The following BRINP3 variants were observed in gnomAD, a reference collection of about 807,000 sequenced individuals.
BRINP3 encodes BMP/retinoic acid-inducible neural-specific protein 3.
BRINP3 carries 19 observed loss-of-function variants against 71.0 expected under a neutral mutation model. The observed-to-expected ratio is 0.27, with a 90% CI of 0.19 to 0.39. The LOEUF is 0.39. Among genes scored for constraint, BRINP3 ranks in the 10% least tolerant of loss-of-function variants. BRINP3 has a pLI of 1.00. For missense variants in BRINP3, 959 were observed against 940.8 expected (o/e 1.02, Z -0.25); for synonymous variants, 380 against 337.7 (o/e 1.13, Z -1.37).
chr1:190,162,728 T>C (rs1468901643), intron 6 of BRINP3, among the ~76,000 whole-genome samples: 4 of 152,202 alleles, frequency 2.6e-5, no homozygotes, highest in African/African-American at 4.8e-5. Context: ...ATAAATTTTA[T>C]TGAAGATAAG....
At chr1:190,319,129 A>G (rs1225352132) in intron 2 of BRINP3, among the ~76,000 whole-genome samples, 1 of 152,118 alleles carries the variant, frequency 6.6e-6, no homozygotes, top group Non-Finnish European at 1.5e-5. Context: ...GAACTTTAGG[A>G]TATTCCTTAC....
chr1:190,352,286 C>A (rs1413733406), intron 2 of BRINP3, among the ~76,000 whole-genome samples: 2 of 151,996 alleles, frequency 1.3e-5, no homozygotes, highest in East Asian at 3.9e-4. Flanking sequence ...AATCAGTAAA[C>A]CTTAATCTGT....
In BRINP3 at chr1:190,442,810, G is replaced by A. The variant is rs532770271; in HGVS notation, c.236+11845C>T. On this transcript the variant is annotated intron_variant, in intron 2 of 7. Transcript: ENST00000367462. ...TTTCTTCATGCCTGTGCGTGTGTGT[G>A]TGTGTGTGTGTGTGTGTGTAATTTT... 7.1e-4 allele frequency among the ~76,000 whole-genome samples: 107 copies of A among 150,598 alleles called. 2 individuals are homozygous for A. Among genetic ancestry groups the A allele is most frequent in the African/African-American group, 2.3e-3 (94 of 40,892 alleles).
At chr1:190,398,345 T>A (rs1671713134) in intron 2 of BRINP3, among the ~76,000 whole-genome samples, 1 of 152,018 alleles carries the variant, frequency 6.6e-6, no homozygotes, top group Non-Finnish European at 1.5e-5. Context: ...GCCGACTATA[T>A]ATCTAAATAT....
chr1:190,177,441 G>A (rs890366332), intron 6 of BRINP3, among the ~76,000 whole-genome samples: 2 of 148,646 alleles, frequency 1.3e-5, no homozygotes, highest in African/African-American at 5.0e-5. Context: ...GCCTCCCAAA[G>A]TGCTAGGATT....
chr1:190,453,710 C>A (rs1466245850), intron 2 of BRINP3, among the ~76,000 whole-genome samples: 6 of 152,116 alleles, frequency 3.9e-5, no homozygotes, highest in Non-Finnish European at 7.4e-5. Context: ...ATAAATTTCT[C>A]ATAATGCTGT....
chr1:190,359,232 G>A (rs376028093), intron 2 of BRINP3, among the ~76,000 whole-genome samples: 2 of 152,048 alleles, frequency 1.3e-5, no homozygotes, highest in South Asian at 2.1e-4. Context: ...AATTTAACTT[G>A]GGCCAGGAAG....
chr1:190,440,910 T>C (rs1043774063), intron 2 of BRINP3, among the ~76,000 whole-genome samples: 4 of 152,118 alleles, frequency 2.6e-5, no homozygotes, highest in Admixed American at 1.3e-4. Flanking sequence ...AACTGAAATC[T>C]TTTAGAATAC....
chr1:190,112,477 G>A (rs939715155), intron 7 of BRINP3, among the ~76,000 whole-genome samples: 1 of 152,130 alleles, frequency 6.6e-6, no homozygotes, highest in Non-Finnish European at 1.5e-5. Context: ...CACCACAGGA[G>A]GCAAGTAGTA....
chr1:190,448,928 AT>A (rs1675419928), intron 2 of BRINP3, among the ~76,000 whole-genome samples: 1 of 151,918 alleles, frequency 6.6e-6, no homozygotes, highest in South Asian at 2.1e-4. Context: ...TGGCAATAAT[AT>A]TTTAAACTTA....
intron 6 of BRINP3, among the ~76,000 whole-genome samples, chr1:190,162,256 T>C (rs1275760148): frequency 6.6e-6 from 1 of 151,386 alleles, no homozygotes; most frequent in Non-Finnish European, 1.5e-5. Flanking sequence ...AAAGGTGCCA[T>C]CTCGGTTCAC....
At chr1:190,468,726 TG>T (rs1676932506) in intron 1 of BRINP3, among the ~76,000 whole-genome samples, 1 of 151,054 alleles carries the variant, frequency 6.6e-6, no homozygotes, top group Non-Finnish European at 1.5e-5. Context: ...GTATATCTTT[TG>T]GGGGGTGGGA....
intron 6 of BRINP3, among the ~76,000 whole-genome samples, chr1:190,172,581 C>G (rs1652115339): frequency 6.6e-6 from 1 of 152,114 alleles, no homozygotes; most frequent in Non-Finnish European, 1.5e-5. Context: ...TAATTGGTAG[C>G]TGTGCTAACT....
chr1:190,199,082 G>A (rs574180300), intron 6 of BRINP3, among the ~76,000 whole-genome samples: 1 of 152,234 alleles, frequency 6.6e-6, no homozygotes, highest in South Asian at 2.1e-4. Context: ...TTACATGATG[G>A]CAGGCAAGAG....
chr1:190,329,157 C>T (rs918123758), intron 2 of BRINP3, among the ~76,000 whole-genome samples: 3 of 151,904 alleles, frequency 2.0e-5, no homozygotes, highest in Non-Finnish European at 2.9e-5. Flanking sequence ...CAGCATGATA[C>T]TGGAAGTGGT....
intron 2 of BRINP3, among the ~76,000 whole-genome samples, chr1:190,284,903 C>T (rs1330538937): frequency 6.6e-5 from 10 of 151,884 alleles, no homozygotes; most frequent in African/African-American, 4.8e-5. Flanking sequence ...CAGTTTTCTC[C>T]CCATATTTTC....
intron 2 of BRINP3, among the ~76,000 whole-genome samples, chr1:190,440,181 A>C (rs1156456812): frequency 6.6e-6 from 1 of 151,946 alleles, no homozygotes; most frequent in East Asian, 1.9e-4. Flanking sequence ...GAAATCCAAC[A>C]ATGGAAATTT....
intron 2 of BRINP3, among the ~76,000 whole-genome samples, chr1:190,315,457 A>T (rs1187816877): frequency 1.3e-5 from 2 of 152,096 alleles, no homozygotes; most frequent in Non-Finnish European, 2.9e-5. Flanking sequence ...CAGACAACTA[A>T]TTTCCTCACA....
At chr1:190,185,224 T>C (rs2102550216) in intron 6 of BRINP3, among the ~76,000 whole-genome samples, 1 of 152,246 alleles carries the variant, frequency 6.6e-6, no homozygotes. Flanking sequence ...AATGGGTTTA[T>C]TTCCAAAATC....
Sources: allele counts gnomAD v4.1 joint callset (sites outside exome capture counted in the v4.1 genomes callset), GRCh38; gene constraint gnomAD v4.1.1; transcripts MANE v1.5; gene names NCBI Gene and HGNC (gene_info 2026-07-23, HGNC 2026-07-21).